The following SLC44A5 variants were observed in gnomAD, a reference collection of about 807,000 sequenced individuals.
The protein encoded by SLC44A5 is choline transporter-like protein 5.
Under a neutral mutation model 101.8 loss-of-function variants are expected in SLC44A5, and 57 were observed. The ratio of observed to expected loss-of-function variants is 0.56; its 90% CI spans 0.45 to 0.70. SLC44A5 has a LOEUF of 0.70. Ranked by LOEUF, SLC44A5 falls within the 30% of genes least tolerant of loss-of-function variation. The probability of loss-of-function intolerance (pLI) is 0.00; values close to 1 mark genes in which losing one functional copy is unlikely to be tolerated. For synonymous variants in SLC44A5, 281 were observed against 290.9 expected (o/e 0.97, Z 0.35); for missense variants, 737 against 853.1 (o/e 0.86, Z 1.70).
the SLC44A5 span, among the ~76,000 whole-genome samples, chr1:75,639,564 A>C: frequency 6.6e-6 from 1 of 152,098 alleles, no homozygotes; most frequent in Non-Finnish European, 1.5e-5. Context: ...CAGCCTAAGA[A>C]AGTTTTTCAT....
intron 7 of SLC44A5, among the ~76,000 whole-genome samples, chr1:75,248,343 T>C (rs1375945476): frequency 1.3e-5 from 2 of 151,956 alleles, no homozygotes; most frequent in Non-Finnish European, 2.9e-5. Flanking sequence ...AAAATGATAA[T>C]AAAAAAACAT....
chr1:75,515,127 T>C (rs2101880612), intron 2 of SLC44A5, among the ~76,000 whole-genome samples: 1 of 152,298 alleles, frequency 6.6e-6, no homozygotes, highest in African/African-American at 2.4e-5. Context: ...CCGTTTTTGG[T>C]TATTGTAAAT....
At chr1:75,510,405 A>G (rs1029235127) in intron 2 of SLC44A5, among the ~76,000 whole-genome samples, 2 of 152,234 alleles carry the variant, frequency 1.3e-5, no homozygotes, top group Admixed American at 1.3e-4. Flanking sequence ...AAAAATTTAT[A>G]TGCCAGTGAA....
chr1:75,408,101 CAT>C lies in SLC44A5; in HGVS notation c.14-11482_14-11481del, dbSNP rs544800214. On this transcript the variant is annotated intron_variant, in intron 2 of 23. Transcript: ENST00000370859. ...AAAAGACATTTATGTGGCCTACAAA[CAT>C]ATGAAAAAAAGCTCATTGTCGCTGG... Among the ~76,000 whole-genome samples, 235 of 152,194 alleles carry C rather than the reference CAT, an allele frequency of 1.5e-3. 1 individual carries two copies. Among genetic ancestry groups the C allele is most frequent in the African/African-American group, 5.2e-3 (216 of 41,526 alleles).
intron 2 of SLC44A5, among the ~76,000 whole-genome samples, chr1:75,442,609 T>C (rs772144476): frequency 1.3e-5 from 2 of 152,120 alleles, no homozygotes; most frequent in Non-Finnish European, 2.9e-5. Context: ...CTTGCCCTGA[T>C]GTTTTCCTCT....
intron 7 of SLC44A5, among the ~76,000 whole-genome samples, chr1:75,250,885 A>T (rs1449986474): frequency 6.6e-6 from 1 of 152,164 alleles, no homozygotes; most frequent in Non-Finnish European, 1.5e-5. Context: ...TAGTTATAGT[A>T]GCTAGCTTTA....
chr1:75,476,171 A>G (rs1030145187), intron 2 of SLC44A5, among the ~76,000 whole-genome samples: 1 of 152,024 alleles, frequency 6.6e-6, no homozygotes, highest in African/African-American at 2.4e-5. Flanking sequence ...AGACAGAAAG[A>G]GATTCTGTAT....
At chr1:75,400,110 C>T (rs1028612445) in intron 2 of SLC44A5, among the ~76,000 whole-genome samples, 1 of 152,164 alleles carries the variant, frequency 6.6e-6, no homozygotes, top group Non-Finnish European at 1.5e-5. Flanking sequence ...CATTTTCTCA[C>T]TTACAAGTGG....
At chr1:75,409,395 C>A (rs559029454) in intron 2 of SLC44A5, among the ~76,000 whole-genome samples, 1 of 152,056 alleles carries the variant, frequency 6.6e-6, no homozygotes, top group Non-Finnish European at 1.5e-5. Flanking sequence ...AACAAACCTG[C>A]ACGTGTACTC....
intron 1 of SLC44A5, among the ~76,000 whole-genome samples, chr1:75,602,635 T>C (rs1315616123): frequency 6.6e-6 from 1 of 152,106 alleles, no homozygotes; most frequent in Non-Finnish European, 1.5e-5. Context: ...ATCAATGTCA[T>C]TGCCATGAGT....
chr1:75,678,890 G>T, the SLC44A5 span, among the ~76,000 whole-genome samples: 1 of 152,128 alleles, frequency 6.6e-6, no homozygotes, highest in African/African-American at 2.4e-5. Flanking sequence ...TGTATAACTA[G>T]AATAATCAAT....
chr1:75,446,478 A>G (rs561872615), intron 2 of SLC44A5, among the ~76,000 whole-genome samples: 168 of 152,196 alleles, frequency 1.1e-3, no homozygotes, highest in African/African-American at 4.0e-3. Context: ...TTTTTATCCA[A>G]AAAAAACCCT....
chr1:75,323,995 T>C (rs1174728115), intron 4 of SLC44A5, among the ~76,000 whole-genome samples: 1 of 152,220 alleles, frequency 6.6e-6, no homozygotes, highest in Non-Finnish European at 1.5e-5. Context: ...CAATGAATAG[T>C]TAAGCAGAAC....
At chr1:75,245,694 A>G (rs1226119489) in intron 7 of SLC44A5, among the ~76,000 whole-genome samples, 4 of 152,144 alleles carry the variant, frequency 2.6e-5, no homozygotes, top group Admixed American at 6.6e-5. Context: ...TATGCAACAC[A>G]TAAAAGAAAG....
the SLC44A5 span, among the ~76,000 whole-genome samples, chr1:75,699,609 A>AG: frequency 1.8e-4 from 28 of 152,194 alleles, no homozygotes; most frequent in Admixed American, 1.5e-3. Flanking sequence ...GAAAAAAAAA[A>AG]AAAACACAGC....
At chr1:75,392,915 A>C (rs1661888096) in intron 3 of SLC44A5, among the ~76,000 whole-genome samples, 1 of 152,194 alleles carries the variant, frequency 6.6e-6, no homozygotes, top group South Asian at 2.1e-4. Context: ...AAAGCCAAAC[A>C]CTGCATATTT....
chr1:75,569,628 G>T (rs76357071), intron 1 of SLC44A5, among the ~76,000 whole-genome samples: 1 of 151,986 alleles, frequency 6.6e-6, no homozygotes, highest in Non-Finnish European at 1.5e-5. Context: ...TAGAATTCAC[G>T]TATAACTCAT....
Position 75,503,859 on chromosome 1 carries a change from A to C in SLC44A5, c.13+37576T>G, listed in dbSNP as rs547422638. Among the ~76,000 whole-genome samples the C allele has an allele frequency of 5.9e-5, 9 of 152,262 alleles. No individual in the cohort carries two copies. In the East Asian group the frequency reaches 1.7e-3, roughly 29 times the overall value. ...AGTCACCAAAAGTGAAAGCTGGAAA[A>C]CCAGGTCTGTAGTGTATCCTGCCAC... On this transcript the variant is annotated intron_variant, in intron 2 of 23. Transcript: ENST00000370859.
the SLC44A5 span, among the ~76,000 whole-genome samples, chr1:75,636,642 A>G: frequency 2.0e-5 from 3 of 152,114 alleles, no homozygotes; most frequent in African/African-American, 7.2e-5. Context: ...TCTTGTTTTT[A>G]TTATTAGCTT....
Sources: gnomAD v4.1 joint callset for allele counts (sites outside exome capture counted in the v4.1 genomes callset) on GRCh38, gnomAD v4.1.1 for gene constraint, MANE v1.5 for transcripts, NCBI Gene and HGNC (gene_info 2026-07-23, HGNC 2026-07-21) for gene names.